The following NOL4 variants were observed in gnomAD, a reference collection of about 807,000 sequenced individuals.
NOL4 encodes nucleolar protein 4, also known as cancer/testis antigen 125.
In NOL4, 17 loss-of-function variants were observed where a neutral mutation model predicts 75.9. That is an observed-to-expected ratio of 0.22 (90% CI 0.15 to 0.34). The LOEUF (loss-of-function observed/expected upper bound fraction) is 0.34, where lower values mean the gene tolerates loss of function less well. Ranked by LOEUF, NOL4 falls within the 10% of genes least tolerant of loss-of-function variation. The pLI, the probability that NOL4 is intolerant of heterozygous loss-of-function variation, is 1.00. For missense variants in NOL4, 614 were observed against 793.5 expected (o/e 0.77, Z 2.72); for synonymous variants, 292 against 289.9 (o/e 1.01, Z -0.07).
At chr18:34,133,272 C>CAA (rs1230503382) in intron 1 of NOL4, among the ~76,000 whole-genome samples, 5 of 57,864 alleles carry the variant, frequency 8.6e-5, no homozygotes, top group Admixed American at 2.0e-4. Flanking sequence ...AACTCCGTCT[C>CAA]AAAAAAAAAA....
intron 6 of NOL4, among the ~76,000 whole-genome samples, chr18:33,995,132 T>C (rs1321531346): frequency 2.6e-5 from 4 of 151,556 alleles, no homozygotes; most frequent in Admixed American, 2.6e-4. Flanking sequence ...AAAACTATTA[T>C]AAAGAAAAGC....
intron 9 of NOL4, among the ~76,000 whole-genome samples, chr18:33,903,423 A>G (rs561601436): frequency 1.3e-5 from 2 of 152,262 alleles, no homozygotes; most frequent in South Asian, 4.1e-4. Context: ...AACCATATCA[A>G]TACTTATCAG....
intron 9 of NOL4, among the ~76,000 whole-genome samples, chr18:33,928,401 A>C (rs2067474516): frequency 6.6e-6 from 1 of 152,326 alleles, no homozygotes; most frequent in South Asian, 2.1e-4. Context: ...GCTTAATGAA[A>C]CCAGAAAACC....
At chr18:33,914,221 G>A (rs980225116) in intron 9 of NOL4, among the ~76,000 whole-genome samples, 2 of 152,072 alleles carry the variant, frequency 1.3e-5, no homozygotes, top group Non-Finnish European at 2.9e-5. Flanking sequence ...AGTAAAGAAG[G>A]AAGCAAAGGA....
intron 6 of NOL4, among the ~76,000 whole-genome samples, chr18:33,963,075 C>T (rs750557858): frequency 6.6e-6 from 1 of 152,090 alleles, no homozygotes; most frequent in Non-Finnish European, 1.5e-5. Flanking sequence ...CATTTAAGGC[C>T]GAATTAAGTT....
At chr18:33,899,947 T>C (rs2065651085) in intron 9 of NOL4, among the ~76,000 whole-genome samples, 1 of 152,112 alleles carries the variant, frequency 6.6e-6, no homozygotes, top group Non-Finnish European at 1.5e-5. Flanking sequence ...TCTGTGTACA[T>C]TTTAAACTGA....
intron 6 of NOL4, among the ~76,000 whole-genome samples, chr18:34,010,644 T>C (rs967774907): frequency 6.6e-6 from 1 of 152,028 alleles, no homozygotes; most frequent in Non-Finnish European, 1.5e-5. Context: ...TTCTCCATAG[T>C]GGTTGTTTTA....
chr18:34,189,490 A>T (rs2034748258), intron 1 of NOL4, among the ~76,000 whole-genome samples: 1 of 152,302 alleles, frequency 6.6e-6, no homozygotes, highest in African/African-American at 2.4e-5. Context: ...TAATTTATTC[A>T]GCAAAAATTC....
At chr18:34,003,123 C>A (rs2073831618) in intron 6 of NOL4, among the ~76,000 whole-genome samples, 2 of 152,124 alleles carry the variant, frequency 1.3e-5, no homozygotes, top group South Asian at 2.1e-4. Flanking sequence ...GCATTTAGTT[C>A]AAAAATCTAC....
chr18:34,078,911 C>T (rs2077867449), intron 5 of NOL4, among the ~76,000 whole-genome samples: 1 of 152,136 alleles, frequency 6.6e-6, no homozygotes, highest in South Asian at 2.1e-4. Flanking sequence ...CTAAGGTTAG[C>T]GGTTGTTACT....
chr18:34,205,890 C>G (rs141218293), intron 1 of NOL4, among the ~76,000 whole-genome samples: 1 of 152,272 alleles, frequency 6.6e-6, no homozygotes, highest in East Asian at 1.9e-4. Context: ...TCTGCTTTCA[C>G]TGAGTTCCAT....
intron 5 of NOL4, among the ~76,000 whole-genome samples, chr18:34,073,105 C>G (rs2145286100): frequency 6.6e-6 from 1 of 151,994 alleles, no homozygotes; most frequent in East Asian, 1.9e-4. Flanking sequence ...ATACAAAATA[C>G]AGAGAAAGCA....
At chr18:33,903,783 C>T (rs2065875550) in intron 9 of NOL4, among the ~76,000 whole-genome samples, 1 of 152,088 alleles carries the variant, frequency 6.6e-6, no homozygotes, top group South Asian at 2.1e-4. Flanking sequence ...CTTGCTAATA[C>T]TTTATGTCTT....
At chr18:34,086,529 T>C (rs555540619) in intron 5 of NOL4, among the ~76,000 whole-genome samples, 3 of 152,168 alleles carry the variant, frequency 2.0e-5, no homozygotes, top group African/African-American at 7.2e-5. Flanking sequence ...CTGTTTTACA[T>C]CACTTTTATT....
chr18:34,158,461 A>T (rs1431904832), intron 1 of NOL4: 1 of 152,212 alleles, frequency 6.6e-6, no homozygotes, highest in Non-Finnish European at 1.5e-5. Flanking sequence ...ATCCCCTTGC[A>T]AAGTCAAAAA....
At chr18:33,916,094 G>A (rs2066705317) in intron 9 of NOL4, among the ~76,000 whole-genome samples, 1 of 152,096 alleles carries the variant, frequency 6.6e-6, no homozygotes, top group South Asian at 2.1e-4. Flanking sequence ...ATGCAGTAGA[G>A]CAAGTTTAAC....
chr18:34,164,790 A>G (rs2032087360), intron 1 of NOL4, among the ~76,000 whole-genome samples: 1 of 151,740 alleles, frequency 6.6e-6, no homozygotes, highest in South Asian at 2.1e-4. Flanking sequence ...ACACATGCAC[A>G]CGTATGTTTA....
chr18:33,927,664 T>A (rs1477220895), intron 9 of NOL4, among the ~76,000 whole-genome samples: 2 of 152,214 alleles, frequency 1.3e-5, no homozygotes, highest in African/African-American at 2.4e-5. Flanking sequence ...TGATCTTTTG[T>A]CATGAAATGA....
At chr18:34,183,783 A>G (rs894238763) in intron 1 of NOL4, among the ~76,000 whole-genome samples, 18 of 151,926 alleles carry the variant, frequency 1.2e-4, no homozygotes, top group African/African-American at 4.3e-4. Flanking sequence ...AATAGAGACA[A>G]GAGAACCCAC....
Sources: gnomAD v4.1 joint callset for allele counts (sites outside exome capture counted in the v4.1 genomes callset) on GRCh38, gnomAD v4.1.1 for gene constraint, MANE v1.5 for transcripts, NCBI Gene and HGNC (gene_info 2026-07-23, HGNC 2026-07-21) for gene names.